Variants in HERC6 observed in about 807,000 individuals in gnomAD.
HERC6 encodes HECT and RLD domain containing E3 ubiquitin protein ligase family member 6.
Under a neutral mutation model 114.5 loss-of-function variants are expected in HERC6, and 101 were observed. The observed-to-expected ratio is 0.88, with a 90% CI of 0.75 to 1.04. The LOEUF (loss-of-function observed/expected upper bound fraction) is 1.04, where lower values mean the gene tolerates loss of function less well. HERC6 is among the 50% of genes least tolerant of loss of function. The pLI is 0.00. For synonymous variants in HERC6, 408 were observed against 436.2 expected (o/e 0.94, Z 0.81); for missense variants, 1,133 against 1,230.9 (o/e 0.92, Z 1.19).
chr4:88,416,687 C>T (rs1736510590), intron 12 of HERC6, among the ~76,000 whole-genome samples: 2 of 151,848 alleles, frequency 1.3e-5, no homozygotes, highest in Non-Finnish European at 2.9e-5. Flanking sequence ...GATCAGTTTC[C>T]AGTTTTCCCC....
intron 12 of HERC6, among the ~76,000 whole-genome samples, chr4:88,416,387 A>G (rs1156860766): frequency 6.6e-6 from 1 of 152,154 alleles, no homozygotes; most frequent in African/African-American, 2.4e-5. Context: ...CTTTTTAATT[A>G]TGAAGGCAAT....
intron 13 of HERC6, among the ~76,000 whole-genome samples, chr4:88,418,717 AT>A (rs1031793600): frequency 1.3e-5 from 2 of 151,964 alleles, no homozygotes; most frequent in African/African-American, 4.8e-5. Flanking sequence ...CACATGTGTG[AT>A]TTTTTTGTTT....
intron 3 of HERC6, among the ~76,000 whole-genome samples, chr4:88,387,503 C>G (rs1192772207): frequency 6.6e-6 from 1 of 152,176 alleles, no homozygotes; most frequent in East Asian, 1.9e-4. Context: ...CAAAGTTACA[C>G]ACTAAGAAAC....
intron 7 of HERC6, among the ~76,000 whole-genome samples, chr4:88,397,323 A>C (rs1187134324): frequency 6.6e-6 from 1 of 151,324 alleles, no homozygotes; most frequent in African/African-American, 2.4e-5. Flanking sequence ...TGTTGGTCAG[A>C]CTGGTCTTGA....
intron 4 of HERC6, among the ~76,000 whole-genome samples, chr4:88,391,535 A>T (rs1191604332): frequency 1.3e-5 from 2 of 152,154 alleles, no homozygotes; most frequent in Non-Finnish European, 2.9e-5. Context: ...CTACCATAGG[A>T]TCCTTTAAAA....
In HERC6 at chr4:88,404,866, T is replaced by C. The variant is rs1735740053; in HGVS notation, c.1093-10T>C. On this transcript the variant is annotated splice_polypyrimidine_tract_variant and intron_variant, in intron 8 of 22. Coordinates refer to ENST00000264346, the MANE Select transcript of HERC6 (RefSeq NM_017912.4). ...GTTCCTGATCATTCTTGTTTCTTCC[T>C]TCCCTGAAGGATACTAGTTCCACAC... 1 of 1,612,542 alleles carries C rather than the reference T, an allele frequency of 6.2e-7. No homozygotes were observed. The highest frequency in any genetic ancestry group is 8.5e-7 in the Non-Finnish European group (1 of 1,179,080).
chr4:88,431,540 T>TAAGATCCTTAGGTGATTCAC (rs1738214518), intron 17 of HERC6, among the ~76,000 whole-genome samples: 1 of 152,208 alleles, frequency 6.6e-6, no homozygotes, highest in African/African-American at 2.4e-5. Flanking sequence ...ATGTATTTTA[T>TAAGATCCTTAGGTGATTCAC]AAGATCCTTA....
intron 5 of HERC6, among the ~76,000 whole-genome samples, chr4:88,394,337 G>A (rs1735093814): frequency 6.6e-6 from 1 of 151,316 alleles, no homozygotes; most frequent in African/African-American, 2.4e-5. Flanking sequence ...GCTGGGCATG[G>A]TTACGGGCAC....
rs1734108753 is a variant in HERC6, at chr4:88,379,903, TATATATAATATATAAATATATATA to T, written c.199+792_199+815del. 2.1e-4 allele frequency among the ~76,000 whole-genome samples: 6 copies of T among 28,308 alleles called. 1 individual carries two copies. The highest frequency in any genetic ancestry group is 9.3e-4 in the African/African-American group (5 of 5,396). 18.6% of individuals were successfully genotyped at this position (28,308 alleles called of 152,430 possible). Reference sequence around the variant, plus strand: ...TATAAATATATATATAATATATAAATATATATAATATATAAATATATATAATATATAAATATATATATAATATAT... The same window carrying T: ...TATAAATATATATATAATATATAAATATATATAAATATATATATAATATAT... On this transcript the variant is annotated intron_variant, in intron 1 of 22. Transcript: ENST00000264346.
chr4:88,393,667 A>G (rs1735042556), intron 5 of HERC6, 85 bp downstream of exon 5: 2 of 765,344 alleles, frequency 2.6e-6, no homozygotes, highest in Admixed American at 4.2e-5. Context: ...TGAAAGACAG[A>G]GACATTAGCC....
At chr4:88,441,226 T>C (rs1251354925) in intron 22 of HERC6, among the ~76,000 whole-genome samples, 2 of 152,180 alleles carry the variant, frequency 1.3e-5, no homozygotes, top group Non-Finnish European at 2.9e-5. Context: ...TATAGTAATA[T>C]ATCATTTAGA....
chr4:88,414,363 C>A (rs1429199214), intron 12 of HERC6, among the ~76,000 whole-genome samples: 1 of 151,696 alleles, frequency 6.6e-6, no homozygotes, highest in Non-Finnish European at 1.5e-5. Context: ...GTGGTCCCAG[C>A]TACTTGGAAG....
intron 5 of HERC6, among the ~76,000 whole-genome samples, chr4:88,395,514 A>G (rs935769365): frequency 3.9e-5 from 6 of 152,202 alleles, no homozygotes; most frequent in African/African-American, 1.4e-4. Context: ...GATTACCACA[A>G]TCAAGCTAGT....
At chr4:88,432,469 C>T (rs1738323566) in intron 17 of HERC6, among the ~76,000 whole-genome samples, 1 of 151,802 alleles carries the variant, frequency 6.6e-6, no homozygotes, top group Non-Finnish European at 1.5e-5. Flanking sequence ...CCTGTAATAC[C>T]AGCACTTTGG....
intron 17 of HERC6, among the ~76,000 whole-genome samples, chr4:88,434,647 A>C (rs1738557610): frequency 6.6e-6 from 1 of 152,134 alleles, no homozygotes; most frequent in South Asian, 2.1e-4. Context: ...AGATTAAATA[A>C]ATCAGCCAAT....
At chr4:88,428,925 A>G (rs1010430645) in intron 16 of HERC6, among the ~76,000 whole-genome samples, 175 bp downstream of exon 16, 1 of 152,264 alleles carries the variant, frequency 6.6e-6, no homozygotes, top group Non-Finnish European at 1.5e-5. Flanking sequence ...TTAACTGCAC[A>G]GTGGGCTATG....
chr4:88,437,508 C>T (rs1055805499), intron 19 of HERC6, among the ~76,000 whole-genome samples: 1 of 152,128 alleles, frequency 6.6e-6, no homozygotes, highest in African/African-American at 2.4e-5. Context: ...ATAATTTAGG[C>T]ATGAAAGTAA....
chr4:88,440,877 AG>A (rs1244726322), intron 22 of HERC6, among the ~76,000 whole-genome samples: 3 of 152,146 alleles, frequency 2.0e-5, no homozygotes, highest in Admixed American at 1.3e-4. Context: ...TTTTGTTAGA[AG>A]GGAAGTTCTG....
At chr4:88,424,003 G>A (rs1386865502) in intron 14 of HERC6, 30 bp downstream of exon 14, 3 of 1,079,684 alleles carry the variant, frequency 2.8e-6, no homozygotes, top group African/African-American at 1.6e-5. Context: ...TTCTGAAAAT[G>A]TTCATATTTT....
Sources: gnomAD v4.1 joint callset for allele counts (sites outside exome capture counted in the v4.1 genomes callset) on GRCh38, gnomAD v4.1.1 for gene constraint, MANE v1.5 for transcripts, NCBI Gene and HGNC (gene_info 2026-07-23, HGNC 2026-07-21) for gene names.